ARHGAP22: variants seen among roughly 807,000 people sequenced by gnomAD.
ARHGAP22 encodes the protein Rho GTPase activating protein 22.
Under a neutral mutation model 59.1 loss-of-function variants are expected in ARHGAP22, and 48 were observed. That is an observed-to-expected ratio of 0.81 (90% CI 0.64 to 1.03). ARHGAP22 has a LOEUF of 1.03. Among genes scored for constraint, ARHGAP22 ranks in the 50% least tolerant of loss-of-function variants. The pLI is 0.00. For synonymous variants in ARHGAP22, 445 were observed against 416.4 expected (o/e 1.07, Z -0.84); for missense variants, 1,015 against 958.7 (o/e 1.06, Z -0.78).
At chr10:48,589,775 G>A (rs2059639822) in intron 1 of ARHGAP22, among the ~76,000 whole-genome samples, 1 of 152,112 alleles carries the variant, frequency 6.6e-6, no homozygotes, top group Non-Finnish European at 1.5e-5. Context: ...CTTAGCTCCT[G>A]CCTTCCACAA....
chr10:48,576,324 G>T (rs1483489689), intron 2 of ARHGAP22, among the ~76,000 whole-genome samples: 1 of 152,228 alleles, frequency 6.6e-6, no homozygotes, highest in Non-Finnish European at 1.5e-5. Context: ...CCCTGGCCTG[G>T]CCTCCCCATT....
intron 1 of ARHGAP22, among the ~76,000 whole-genome samples, chr10:48,630,238 C>T (rs1470541003): frequency 1.3e-5 from 2 of 152,060 alleles, no homozygotes; most frequent in African/African-American, 2.4e-5. Context: ...ACTACAGGCC[C>T]CCGCCACCTC....
chr10:48,451,258 C>T (rs767277238), intron 8 of ARHGAP22, 118 bp from the exon 9 acceptor site: 12 of 1,405,000 alleles, frequency 8.5e-6, no homozygotes, highest in Middle Eastern at 1.7e-4. Flanking sequence ...AGAGCCAGGC[C>T]GCCCCTCAAG....
At chr10:48,461,567 C>G (rs1776717869) in intron 4 of ARHGAP22, among the ~76,000 whole-genome samples, 1 of 152,184 alleles carries the variant, frequency 6.6e-6, no homozygotes, top group African/African-American at 2.4e-5. Flanking sequence ...AGAGGAACTT[C>G]TGAGAAAATC....
At chr10:48,570,794 A>G (rs2135483935) in intron 2 of ARHGAP22, among the ~76,000 whole-genome samples, 1 of 152,310 alleles carries the variant, frequency 6.6e-6, no homozygotes, top group African/African-American at 2.4e-5. Context: ...TGTATCCATC[A>G]GCTCTCTTGC....
chr10:48,576,781 T>C (rs2135546905), intron 2 of ARHGAP22, among the ~76,000 whole-genome samples: 1 of 152,330 alleles, frequency 6.6e-6, no homozygotes, highest in East Asian at 1.9e-4. Context: ...TTTTTTAAGA[T>C]ATTTATTTCT....
chr10:48,447,249 A>G (rs1242916562), intron 9 of ARHGAP22, among the ~76,000 whole-genome samples: 1 of 152,208 alleles, frequency 6.6e-6, no homozygotes, highest in Non-Finnish European at 1.5e-5. Context: ...CAGTGTGCCA[A>G]GGTTGGCATG....
intron 4 of ARHGAP22, among the ~76,000 whole-genome samples, chr10:48,468,215 G>C (rs934398518): frequency 1.3e-5 from 2 of 152,160 alleles, no homozygotes; most frequent in African/African-American, 4.8e-5. Flanking sequence ...GATGTGGTTG[G>C]CTGAATAATG....
chr10:48,505,581 C>T (rs1356043033), intron 3 of ARHGAP22, among the ~76,000 whole-genome samples: 3 of 152,160 alleles, frequency 2.0e-5, no homozygotes, highest in Non-Finnish European at 4.4e-5. Flanking sequence ...CAGAGCCAGG[C>T]TGGAGGTGGC....
At chr10:48,605,764 C>A (rs2060646891), upstream of ARHGAP22, among the ~76,000 whole-genome samples, 1 of 152,124 alleles carries the variant, frequency 6.6e-6, no homozygotes, top group African/African-American at 2.4e-5. Flanking sequence ...GCTTTACATT[C>A]AATATCTCAT....
intron 1 of ARHGAP22, among the ~76,000 whole-genome samples, chr10:48,644,572 T>C (rs1488978614): frequency 1.3e-5 from 2 of 152,150 alleles, no homozygotes; most frequent in African/African-American, 4.8e-5. Context: ...CTAAATCATA[T>C]AAAGTACATT....
rs553835954 is a variant in ARHGAP22 at position 48,539,290 on chromosome 10, C to CTTTTTTTTTTTTTTTTTTTTTTTTTTTT, written c.322+16172_322+16173insAAAAAAAAAAAAAAAAAAAAAAAAAAAA. Among the ~76,000 whole-genome samples, 4 of 129,308 alleles carry CTTTTTTTTTTTTTTTTTTTTTTTTTTTT rather than the reference C, an allele frequency of 3.1e-5. 1 individual carries two copies. Among genetic ancestry groups the CTTTTTTTTTTTTTTTTTTTTTTTTTTTT allele is most frequent in the Non-Finnish European group, 1.6e-5 (1 of 64,236 alleles). 84.8% of individuals were successfully genotyped at this position (129,308 alleles called of 152,430 possible). On this transcript the variant is annotated intron_variant, in intron 3 of 9. Coordinates refer to ENST00000249601, the MANE Select transcript of ARHGAP22 (RefSeq NM_021226.4). ...CTAACAATTAGTATGAGAAGGGTAA[C>CTTTTTTTTTTTTTTTTTTTTTTTTTTTT]ATTTTTTTTTTTTTTTTTTGAGACG...
upstream of ARHGAP22, chr10:48,605,098 G>A (rs1482242363): frequency 3.9e-6 from 5 of 1,287,964 alleles, no homozygotes; most frequent in Non-Finnish European, 4.9e-6. Context: ...CAGTCCCTCC[G>A]CCTGGCCTGG....
chr10:48,449,989 A>T (rs1689131515), intron 9 of ARHGAP22, among the ~76,000 whole-genome samples: 1 of 152,246 alleles, frequency 6.6e-6, no homozygotes, highest in Non-Finnish European at 1.5e-5. Flanking sequence ...CCTGCAGCAA[A>T]GGTCCCCGGC....
chr10:48,479,649 G>A lies in ARHGAP22; in HGVS notation c.438C>T (p.Ala146=). ...TACGGGCAGTACCTCCGCCCAGCGG[G>A]GCCCAGATGACTCGGCGGATGGCCT... The part of the protein sequence containing the change: ...WVQAIRRVIW[A]PLGGGIFGQR... The change falls in exon 4 of 10, where the codon GCC becomes GCT. Residue 146 remains alanine (A), a synonymous_variant. Coordinates refer to ENST00000249601, the MANE Select transcript of ARHGAP22 (RefSeq NM_021226.4). 2 of 1,613,816 alleles carry A rather than the reference G, an allele frequency of 1.2e-6. No individual in the cohort carries two copies. The highest frequency in any genetic ancestry group is 1.7e-6 in the Non-Finnish European group (2 of 1,179,958).
intron 1 of ARHGAP22, among the ~76,000 whole-genome samples, chr10:48,601,427 G>A (rs1416337911): frequency 6.6e-6 from 1 of 152,134 alleles, no homozygotes; most frequent in Admixed American, 6.5e-5. Context: ...CCCCACAGAG[G>A]CAGCCACTTT....
At chr10:48,511,266 C>T (rs2052739623) in intron 3 of ARHGAP22, among the ~76,000 whole-genome samples, 1 of 152,236 alleles carries the variant, frequency 6.6e-6, no homozygotes, top group Admixed American at 6.5e-5. Flanking sequence ...ACACGGCAGC[C>T]CTGAGATGCC....
chr10:48,458,821 C>T (rs4012795), intron 5 of ARHGAP22, among the ~76,000 whole-genome samples: 137,916 of 152,148 alleles, frequency 0.91, 63,902 homozygotes, highest in East Asian at 1. Flanking sequence ...GGTGGAGCAC[C>T]GCTAGGGAAC....
rs557782984 is a variant in ARHGAP22, at chr10:48,602,730, C to T, written c.34+2033G>A. Among the ~76,000 whole-genome samples the T allele has an allele frequency of 4.6e-5, 7 of 152,308 alleles. No individual in the cohort carries two copies. In the South Asian group the frequency reaches 1.5e-3, roughly 32 times the overall value. ...AGAAATGGTTCCTGCTTTCACGAAG[C>T]TCATGGAGCAATGCAAGTGACAGAT... On this transcript the variant is annotated intron_variant, in intron 1 of 9. Coordinates refer to ENST00000249601, the MANE Select transcript of ARHGAP22 (RefSeq NM_021226.4).
Sources: allele counts gnomAD v4.1 joint callset (sites outside exome capture counted in the v4.1 genomes callset), GRCh38; gene constraint gnomAD v4.1.1; transcripts MANE v1.5; gene names NCBI Gene and HGNC (gene_info 2026-07-23, HGNC 2026-07-21).